AUTS2: variants seen among roughly 807,000 people sequenced by gnomAD.
AUTS2 encodes activator of transcription and developmental regulator AUTS2, also known as autism susceptibility gene 2 protein.
In AUTS2, 17 loss-of-function variants were observed where a neutral mutation model predicts 112.4. The ratio of observed to expected loss-of-function variants is 0.15; its 90% CI spans 0.10 to 0.23. AUTS2 has a LOEUF of 0.23. Ranked by LOEUF, AUTS2 falls within the 10% of genes least tolerant of loss-of-function variation. The pLI, the probability that AUTS2 is intolerant of heterozygous loss-of-function variation, is 1.00. For synonymous variants in AUTS2, 751 were observed against 702.7 expected, an observed-to-expected ratio of 1.07 and a Z score of -1.09; for missense variants, 1,510 against 1,701.6, an observed-to-expected ratio of 0.89 and a Z score of 1.98.
intron 1 of AUTS2, among the ~76,000 whole-genome samples, chr7:69,769,343 T>A (rs1418719558): frequency 6.6e-6 from 1 of 152,222 alleles, no homozygotes; most frequent in African/African-American, 2.4e-5. Context: ...CACTGGAATT[T>A]CTTTCCTTGC....
intron 1 of AUTS2, among the ~76,000 whole-genome samples, chr7:69,657,739 A>T (rs1371212071): frequency 6.6e-6 from 1 of 152,176 alleles, no homozygotes; most frequent in Non-Finnish European, 1.5e-5. Context: ...TTATATCAAG[A>T]CCTCATTAGA....
chr7:70,639,152 C>T (rs1203300559), intron 5 of AUTS2, among the ~76,000 whole-genome samples: 1 of 152,180 alleles, frequency 6.6e-6, no homozygotes, highest in Non-Finnish European at 1.5e-5. Context: ...CCCCCAACTA[C>T]CACTCCCCGC....
chr7:70,221,257 T>G (rs1013457316), intron 4 of AUTS2, among the ~76,000 whole-genome samples: 1 of 152,230 alleles, frequency 6.6e-6, no homozygotes, highest in Non-Finnish European at 1.5e-5. Flanking sequence ...CATTTTATTT[T>G]TGGTTTATTT....
At chr7:70,051,726 A>G (rs967458191) in intron 2 of AUTS2, among the ~76,000 whole-genome samples, 1 of 152,236 alleles carries the variant, frequency 6.6e-6, no homozygotes, top group African/African-American at 2.4e-5. Flanking sequence ...TCTAAAAAAA[A>G]CAGATTCACT....
At chr7:70,014,639 C>A (rs1474241190) in intron 2 of AUTS2, among the ~76,000 whole-genome samples, 1 of 152,228 alleles carries the variant, frequency 6.6e-6, no homozygotes, top group Non-Finnish European at 1.5e-5. Context: ...CACATGAGTG[C>A]TTTCTCTAAC....
intron 1 of AUTS2, among the ~76,000 whole-genome samples, chr7:69,694,595 A>G (rs956937152): frequency 1.3e-5 from 2 of 152,206 alleles, no homozygotes; most frequent in East Asian, 3.9e-4. Flanking sequence ...CCTAGGCAAC[A>G]TGGCAAAACC....
intron 1 of AUTS2, among the ~76,000 whole-genome samples, chr7:69,651,981 C>G (rs1795310799): frequency 6.6e-6 from 1 of 152,024 alleles, no homozygotes; most frequent in Admixed American, 6.5e-5. Context: ...TTCAAAGTCC[C>G]CACTGACAGA....
intron 1 of AUTS2, among the ~76,000 whole-genome samples, chr7:69,647,444 A>G (rs1263718026): frequency 3.3e-5 from 5 of 151,316 alleles, no homozygotes; most frequent in Non-Finnish European, 7.4e-5. Flanking sequence ...TCAACTTCCC[A>G]GGGTTGAGTG....
intron 1 of AUTS2, among the ~76,000 whole-genome samples, chr7:69,654,082 C>G (rs878907493): frequency 6.6e-6 from 1 of 152,220 alleles, no homozygotes; most frequent in Admixed American, 6.5e-5. Flanking sequence ...GTCTGGCGAC[C>G]TTTGAGAGCT....
intron 1 of AUTS2, among the ~76,000 whole-genome samples, chr7:69,716,630 T>G (rs1004689972): frequency 2.0e-5 from 3 of 152,144 alleles, no homozygotes; most frequent in Non-Finnish European, 4.4e-5. Flanking sequence ...CCAGGCATTC[T>G]GATACTGTCT....
At chr7:69,947,897 TTAAG>T (rs1198917816) in intron 2 of AUTS2, among the ~76,000 whole-genome samples, 1 of 152,186 alleles carries the variant, frequency 6.6e-6, no homozygotes, top group Non-Finnish European at 1.5e-5. Context: ...CTCAGAGAGA[TTAAG>T]TAACTTGCCC....
intron 1 of AUTS2, among the ~76,000 whole-genome samples, chr7:69,621,806 C>T (rs1025747366): frequency 6.6e-6 from 1 of 152,076 alleles, no homozygotes; most frequent in Middle Eastern, 3.4e-3. Flanking sequence ...CTTTGGTAGG[C>T]GTACTTAAAA....
chr7:70,790,089 C>T lies in AUTS2; in HGVS notation c.2873C>T (p.Ser958Leu), dbSNP rs1222450896. ...GAGAGTGCCAGGCCCAACAGCACCT[C>T]GAGCCGGGAGGCCGAGCCGCGCAAG... ...VVESARPNST[S>L]SREAEPRKGE... The change falls in exon 19 of 19, where the codon TCG (serine) becomes TTG (leucine). Residue 958 changes from serine (S) to leucine (L), a missense_variant. Transcript: ENST00000342771. This position sits in a 1 kb window ranked among gnomAD's most constrained non-coding sequence, Gnocchi z 7.6. 2 of 1,578,236 alleles carry T rather than the reference C, an allele frequency of 1.3e-6. No homozygotes were observed. Among genetic ancestry groups the T allele is most frequent in the African/African-American group, 1.3e-5 (1 of 74,214 alleles).
intron 6 of AUTS2, among the ~76,000 whole-genome samples, chr7:70,719,008 A>G (rs1810525261): frequency 6.6e-6 from 1 of 152,108 alleles, no homozygotes; most frequent in African/African-American, 2.4e-5. Flanking sequence ...GAGTGGTTCA[A>G]TCCACTCGTG....
rs372231977 is a variant in AUTS2 at position 70,780,533 on chromosome 7, G to A, written c.2005-1082G>A. On this transcript the variant is annotated intron_variant, in intron 14 of 18. Coordinates refer to ENST00000342771, the MANE Select transcript of AUTS2 (RefSeq NM_015570.4). The stretch of plus-strand genomic sequence containing the variant: ...TGGGACGACAGGCGTGCACCACCAC[G>A]CCTGGCTGATCTTTTGTATTTTAGT... 7.2e-4 allele frequency among the ~76,000 whole-genome samples: 110 copies of A among 151,784 alleles called. 3 individuals are homozygous for A. In the South Asian group the frequency reaches 0.02, roughly 28 times the overall value.
intron 1 of AUTS2, among the ~76,000 whole-genome samples, chr7:69,633,606 G>A (rs1300154133): frequency 6.6e-6 from 1 of 152,066 alleles, no homozygotes; most frequent in African/African-American, 2.4e-5. Context: ...TCCAACATTT[G>A]TTATCTTTTT....
chr7:70,109,894 C>A (rs1804978494), intron 2 of AUTS2, among the ~76,000 whole-genome samples: 1 of 152,176 alleles, frequency 6.6e-6, no homozygotes. Flanking sequence ...CATTTTACAG[C>A]ATAATTAAAC....
intron 3 of AUTS2, among the ~76,000 whole-genome samples, chr7:70,123,472 TTATC>T (rs1355007165): frequency 6.6e-6 from 1 of 152,058 alleles, no homozygotes; most frequent in African/African-American, 2.4e-5. Flanking sequence ...TACCCAATAG[TTATC>T]TTTTCTACTC....
chr7:70,298,577 A>G (rs1789054281), intron 4 of AUTS2, among the ~76,000 whole-genome samples: 1 of 152,202 alleles, frequency 6.6e-6, no homozygotes, highest in Non-Finnish European at 1.5e-5. Context: ...TAAAGTCCCA[A>G]GATATTAATG....
Sources: allele counts gnomAD v4.1 joint callset (sites outside exome capture counted in the v4.1 genomes callset), GRCh38; gene constraint gnomAD v4.1.1; non-coding constraint Gnocchi (gnomAD v3.1); transcripts MANE v1.5; gene names NCBI Gene and HGNC (gene_info 2026-07-23, HGNC 2026-07-21).